Variants in TENM2 observed in about 807,000 individuals in gnomAD.
TENM2 encodes teneurin transmembrane protein 2.
In TENM2, 52 loss-of-function variants were observed where a neutral mutation model predicts 245.2. That is an observed-to-expected ratio of 0.21 (90% CI 0.17 to 0.27). The LOEUF (loss-of-function observed/expected upper bound fraction) is 0.27. Ranked by LOEUF, TENM2 falls within the 10% of genes least tolerant of loss-of-function variation. TENM2 has a pLI of 1.00. For synonymous variants in TENM2, 1,363 were observed against 1,438.9 expected (o/e 0.95, Z 1.19); for missense variants, 3,046 against 3,666.8 (o/e 0.83, Z 4.37).
At chr5:168,081,107 G>T (rs1392411142) in intron 7 of TENM2, among the ~76,000 whole-genome samples, 1 of 152,122 alleles carries the variant, frequency 6.6e-6, no homozygotes, top group Non-Finnish European at 1.5e-5. Flanking sequence ...TTATGAATCT[G>T]GGTGCTCCTG....
the TENM2 span, among the ~76,000 whole-genome samples, chr5:167,173,510 A>G: frequency 3.9e-5 from 6 of 152,186 alleles, no homozygotes; most frequent in African/African-American, 9.7e-5. Flanking sequence ...CTTTGTAAAA[A>G]TGAACAAACT....
chr5:167,945,922 C>T (rs962020852), intron 3 of TENM2, among the ~76,000 whole-genome samples: 2 of 152,118 alleles, frequency 1.3e-5, no homozygotes, highest in Admixed American at 1.3e-4. Flanking sequence ...ACTTGACTCA[C>T]TCCTTCATCC....
the TENM2 span, among the ~76,000 whole-genome samples, chr5:167,049,703 A>C: frequency 6.6e-6 from 1 of 152,206 alleles, no homozygotes; most frequent in African/African-American, 2.4e-5. Flanking sequence ...AATTACCCCT[A>C]ATTTAGCAAG....
the TENM2 span, among the ~76,000 whole-genome samples, chr5:167,050,644 T>C: frequency 1.3e-5 from 2 of 152,058 alleles, no homozygotes; most frequent in Non-Finnish European, 2.9e-5. Flanking sequence ...TTGAGGTCAT[T>C]ATAGGAATCC....
At chr5:167,949,392 C>T (rs996594679) in intron 3 of TENM2, among the ~76,000 whole-genome samples, 5 of 152,162 alleles carry the variant, frequency 3.3e-5, no homozygotes, top group African/African-American at 1.2e-4. Context: ...CAGTCTGTGA[C>T]ATCTGCCCTA....
intron 23 of TENM2, among the ~76,000 whole-genome samples, chr5:168,220,625 T>C (rs1763588009): frequency 6.6e-6 from 1 of 152,204 alleles, no homozygotes; most frequent in African/African-American, 2.4e-5. Flanking sequence ...GAAAAGATGG[T>C]GAGTTCTTTT....
At chr5:168,127,096 G>C in intron 12 of TENM2, 130 bp downstream of exon 14, 1 of 813,086 alleles carries the variant, frequency 1.2e-6, no homozygotes, top group Non-Finnish European at 2.0e-6. Flanking sequence ...CCAGGGGATA[G>C]GGAAGGAGAA....
At chr5:167,396,683 G>A (rs573252068) in intron 2 of TENM2, among the ~76,000 whole-genome samples, 37 of 152,248 alleles carry the variant, frequency 2.4e-4, no homozygotes, top group Non-Finnish European at 4.6e-4. Flanking sequence ...GCCACCACCT[G>A]TAACTACTCC....
intron 2 of TENM2, among the ~76,000 whole-genome samples, chr5:167,685,926 CA>C (rs1757045481): frequency 6.6e-6 from 1 of 152,148 alleles, no homozygotes; most frequent in Non-Finnish European, 1.5e-5. Flanking sequence ...GCATGTGGAG[CA>C]AAATACCCTG....
chr5:167,356,187 C>CAAAAAAAAA (rs58804392), intron 1 of TENM2, among the ~76,000 whole-genome samples: 5 of 74,018 alleles, frequency 6.8e-5, no homozygotes, highest in Non-Finnish European at 6.9e-5. Context: ...GACTCCATCT[C>CAAAAAAAAA]AAAAAAAAAA....
At chr5:167,955,868 T>TA (rs1780512132) in intron 4 of TENM2, among the ~76,000 whole-genome samples, 2 of 152,224 alleles carry the variant, frequency 1.3e-5, no homozygotes, top group African/African-American at 4.8e-5. Context: ...TTGGTAAATG[T>TA]AACCTTGTAG....
chr5:167,579,245 C>T lies in TENM2; in HGVS notation c.502+203772C>T, dbSNP rs73801296. 8.6e-3 allele frequency among the ~76,000 whole-genome samples: 1,313 copies of T among 152,278 alleles called. 8 individuals carry two copies. The highest frequency in any genetic ancestry group is 0.017 in the Middle Eastern group (5 of 294). On this transcript the variant is annotated intron_variant, in intron 2 of 28. Coordinates refer to ENST00000518659, the Ensembl canonical transcript of TENM2. ...CCCAAAGGCTTAGAAATTATTGTCT[C>T]GTACCTTGAATGTAGCTGGATTTTC...
chr5:167,233,734 T>C, the TENM2 span, among the ~76,000 whole-genome samples: 3 of 152,296 alleles, frequency 2.0e-5, no homozygotes, highest in South Asian at 4.1e-4. Context: ...GTTGTTTTTA[T>C]AGTGACTCAA....
the TENM2 span, among the ~76,000 whole-genome samples, chr5:167,195,170 C>T: frequency 6.6e-6 from 1 of 152,056 alleles, no homozygotes; most frequent in African/African-American, 2.4e-5. Flanking sequence ...TCGGTATTCT[C>T]AGCTCTTAGA....
chr5:167,652,049 T>G (rs1754505028), intron 2 of TENM2, among the ~76,000 whole-genome samples: 1 of 152,156 alleles, frequency 6.6e-6, no homozygotes, highest in African/African-American at 2.4e-5. Flanking sequence ...CTAACCTTTT[T>G]CTCTTTCCCT....
At chr5:167,004,083 C>CA in the TENM2 span, among the ~76,000 whole-genome samples, 1 of 152,142 alleles carries the variant, frequency 6.6e-6, no homozygotes, top group Admixed American at 6.5e-5. Flanking sequence ...TGCTTTCATT[C>CA]AAAACCAATT....
chr5:167,812,820 C>A (rs1234469859), intron 2 of TENM2, among the ~76,000 whole-genome samples: 1 of 152,128 alleles, frequency 6.6e-6, no homozygotes, highest in Non-Finnish European at 1.5e-5. Context: ...ATGAGAAAGG[C>A]AGTGAGAGTG....
At chr5:167,606,305 A>C (rs1327898457) in intron 2 of TENM2, among the ~76,000 whole-genome samples, 1 of 152,050 alleles carries the variant, frequency 6.6e-6, no homozygotes, top group African/African-American at 2.4e-5. Context: ...TGAAAGTCTG[A>C]GATCAGGGTG....
At chr5:168,047,684 C>T (rs1466579537) in intron 6 of TENM2, 135 bp downstream of exon 8, 2 of 1,075,308 alleles carry the variant, frequency 1.9e-6, no homozygotes, top group Non-Finnish European at 2.7e-6. Context: ...AAATCATTGC[C>T]TTTCATAGGT....
Sources: gnomAD v4.1 joint callset for allele counts (sites outside exome capture counted in the v4.1 genomes callset) on GRCh38, gnomAD v4.1.1 for gene constraint, MANE v1.5 for transcripts, NCBI Gene and HGNC (gene_info 2026-07-23, HGNC 2026-07-21) for gene names.